Variants in THSD7B observed in about 807,000 individuals in gnomAD.
THSD7B encodes the protein thrombospondin type-1 domain-containing protein 7B.
A neutral mutation model predicts 213.6 loss-of-function variants in THSD7B; 138 were observed. The observed-to-expected ratio is 0.65, with a 90% CI of 0.56 to 0.74. The LOEUF (loss-of-function observed/expected upper bound fraction) is 0.74, where lower values mean the gene tolerates loss of function less well. THSD7B is among the 30% of genes least tolerant of loss of function. THSD7B has a pLI of 0.00. For missense variants in THSD7B, 1,931 were observed against 1,991.5 expected, an observed-to-expected ratio of 0.97 and a Z score of 0.58; for synonymous variants, 742 against 687.0, an observed-to-expected ratio of 1.08 and a Z score of -1.25.
At chr2:137,257,922 A>G (rs1253563398) in intron 10 of THSD7B, among the ~76,000 whole-genome samples, 1 of 152,168 alleles carries the variant, frequency 6.6e-6, no homozygotes, top group Non-Finnish European at 1.5e-5. Flanking sequence ...TGCATGAGGA[A>G]CAGAAGCTCT....
At chr2:137,108,978 G>A (rs370160491) in intron 4 of THSD7B, among the ~76,000 whole-genome samples, 4 of 152,114 alleles carry the variant, frequency 2.6e-5, no homozygotes, top group South Asian at 2.1e-4. Context: ...CTGCTAATAC[G>A]TGGGTCAAAA....
At chr2:136,867,739 A>T (rs1683366793) in intron 1 of THSD7B, among the ~76,000 whole-genome samples, 1 of 152,198 alleles carries the variant, frequency 6.6e-6, no homozygotes, top group South Asian at 2.1e-4. Context: ...TAAGTTTGTA[A>T]TTAAACTTCT....
At position 137,170,930 on chromosome 2, in the gene THSD7B, A is replaced by G. The variant is rs61742399; in HGVS notation, c.1715A>G (p.Asn572Ser). 80 of 1,612,206 alleles carry G rather than the reference A, an allele frequency of 5.0e-5. No homozygotes were observed. Among genetic ancestry groups the G allele is most frequent in the Non-Finnish European group, 6.8e-5 (80 of 1,179,664 alleles). The stretch of plus-strand genomic sequence containing the variant: ...CGTATTCTGAAGGCCGTCTGCCAGA[A>G]TGACCGCGGTATGACCCAGTGACCC... ...GHRILKAVCQ[N>S]DRGEDVSGSL... is the part of the protein sequence containing the mutation. The change falls in exon 7 of 28, where the codon AAT becomes AGT. Residue 572 changes from asparagine to serine, a missense_variant. Coordinates refer to ENST00000409968, the MANE Select transcript of THSD7B (RefSeq NM_001316349.2).
intron 1 of THSD7B, among the ~76,000 whole-genome samples, chr2:136,861,530 A>G (rs1252627098): frequency 6.6e-6 from 1 of 152,216 alleles, no homozygotes; most frequent in Non-Finnish European, 1.5e-5. Flanking sequence ...GTCACAGAGT[A>G]TGCCAGGACT....
rs984512691 is a variant in THSD7B, at chr2:136,995,866, C to T, written c.140-60554C>T. Among the ~76,000 whole-genome samples the T allele has an allele frequency of 6.6e-5, 10 of 151,986 alleles. 1 individual carries two copies. Among genetic ancestry groups the T allele is most frequent in the African/African-American group, 2.4e-4 (10 of 41,372 alleles). ...GGGTTATTCATTTTTAATGCTAGGC[C>T]TTATTTATAGATGGATGTAATGAGG... On this transcript the variant is annotated intron_variant, in intron 2 of 27. Coordinates refer to ENST00000409968, the MANE Select transcript of THSD7B (RefSeq NM_001316349.2).
At chr2:137,648,437 G>T (rs189831595) in intron 21 of THSD7B, among the ~76,000 whole-genome samples, 2 of 152,080 alleles carry the variant, frequency 1.3e-5, no homozygotes, top group Admixed American at 1.3e-4. Context: ...CTATCTTTGT[G>T]AGATCCACCT....
chr2:137,238,089 G>C (rs1051221746), intron 9 of THSD7B, among the ~76,000 whole-genome samples: 8 of 152,174 alleles, frequency 5.3e-5, no homozygotes, highest in African/African-American at 1.7e-4. Context: ...TTTATGGTGA[G>C]TGATGCCAGG....
At chr2:137,551,658 T>C (rs1286636594) in intron 15 of THSD7B, among the ~76,000 whole-genome samples, 1 of 152,224 alleles carries the variant, frequency 6.6e-6, no homozygotes, top group Non-Finnish European at 1.5e-5. Flanking sequence ...ATAAAGCTTA[T>C]TTAGTATTAT....
At chr2:137,151,746 C>T (rs1295858263) in intron 5 of THSD7B, among the ~76,000 whole-genome samples, 2 of 152,148 alleles carry the variant, frequency 1.3e-5, no homozygotes, top group African/African-American at 4.8e-5. Flanking sequence ...TTTTATATGA[C>T]TAGCAGCACC....
At chr2:137,211,336 A>ACC (rs1681099044) in intron 7 of THSD7B, among the ~76,000 whole-genome samples, 1 of 77,264 alleles carries the variant, frequency 1.3e-5, no homozygotes, top group Non-Finnish European at 3.0e-5. Flanking sequence ...CTTCCTACAC[A>ACC]CACACACACA....
At chr2:137,307,927 G>A (rs941605259) in intron 12 of THSD7B, among the ~76,000 whole-genome samples, 4 of 151,932 alleles carry the variant, frequency 2.6e-5, no homozygotes, top group African/African-American at 9.7e-5. Context: ...TTCCTCACAG[G>A]AGCCACTACT....
chr2:136,790,706 T>C (rs1465006502), intron 1 of THSD7B, among the ~76,000 whole-genome samples: 1 of 152,088 alleles, frequency 6.6e-6, no homozygotes, highest in Non-Finnish European at 1.5e-5. Flanking sequence ...TTAGGATGTC[T>C]AATCCAAATG....
chr2:137,251,332 T>C (rs1435075517), intron 10 of THSD7B, among the ~76,000 whole-genome samples: 1 of 152,206 alleles, frequency 6.6e-6, no homozygotes, highest in Admixed American at 6.5e-5. Flanking sequence ...GGGAAAAAAT[T>C]CTATCATTTT....
At chr2:136,972,253 C>G (rs1042463023) in intron 2 of THSD7B, among the ~76,000 whole-genome samples, 4 of 151,990 alleles carry the variant, frequency 2.6e-5, no homozygotes, top group African/African-American at 9.7e-5. Flanking sequence ...TTCTCATCCA[C>G]CTTGGAAGTT....
At chr2:137,112,866 A>G (rs371223304) in intron 4 of THSD7B, among the ~76,000 whole-genome samples, 1 of 152,006 alleles carries the variant, frequency 6.6e-6, no homozygotes, top group African/African-American at 2.4e-5. Context: ...CACTTATTGA[A>G]TATTTATTAT....
chr2:136,909,391 C>T (rs767872950), intron 2 of THSD7B, among the ~76,000 whole-genome samples: 48 of 152,092 alleles, frequency 3.2e-4, no homozygotes, highest in Non-Finnish European at 4.9e-4. Context: ...TTTCCTTTAT[C>T]CAAAGATAAA....
intron 17 of THSD7B, among the ~76,000 whole-genome samples, chr2:137,585,479 G>C (rs1327593521): frequency 6.6e-6 from 1 of 151,882 alleles, no homozygotes; most frequent in African/African-American, 2.4e-5. Context: ...GGCATTTAGT[G>C]CTATATATTT....
rs555418678 is a variant in THSD7B, at chr2:136,964,891, C to T, written c.139+82574C>T. 1.1e-3 allele frequency among the ~76,000 whole-genome samples: 174 copies of T among 151,782 alleles called. 2 individuals are homozygous for T. Among genetic ancestry groups the T allele is most frequent in the African/African-American group, 3.7e-3 (152 of 41,388 alleles). ...TGGCACACGCCTGTAGTTCCAGCTA[C>T]TCAGGAAGCTGAGGCAGAAGAATTG... On this transcript the variant is annotated intron_variant, in intron 2 of 27. Transcript: ENST00000409968.
At chr2:136,964,453 G>A (rs1685280172) in intron 2 of THSD7B, among the ~76,000 whole-genome samples, 1 of 152,008 alleles carries the variant, frequency 6.6e-6, no homozygotes, top group African/African-American at 2.4e-5. Context: ...AAAGAGCAGA[G>A]CTTAACTCTT....
Sources: gnomAD v4.1 joint callset for allele counts (sites outside exome capture counted in the v4.1 genomes callset) on GRCh38, gnomAD v4.1.1 for gene constraint, MANE v1.5 for transcripts, NCBI Gene and HGNC (gene_info 2026-07-23, HGNC 2026-07-21) for gene names.